The following DYSF variants were observed in gnomAD, a reference collection of about 807,000 sequenced individuals.
DYSF encodes dystrophy-associated fer-1-like 1.
A neutral mutation model predicts 274.9 loss-of-function variants in DYSF; 212 were observed. That is an observed-to-expected ratio of 0.77 (90% confidence interval 0.69 to 0.86). The LOEUF is 0.86. Among genes scored for constraint, DYSF ranks in the 40% least tolerant of loss-of-function variants. DYSF has a pLI of 0.00. For missense variants in DYSF, 2,666 were observed against 2,783.2 expected (o/e 0.96, Z 0.95); for synonymous variants, 1,091 against 1,078.7 (o/e 1.01, Z -0.22).
chr2:71,485,899 C>T (rs540653451), intron 3 of DYSF, among the ~76,000 whole-genome samples: 3 of 152,222 alleles, frequency 2.0e-5, no homozygotes, highest in African/African-American at 4.8e-5. Context: ...CTGCAACCTC[C>T]GCCTCCTGGG....
chr2:71,667,044 C>T (rs2095026372), intron 47 of DYSF, among the ~76,000 whole-genome samples: 1 of 152,152 alleles, frequency 6.6e-6, no homozygotes, highest in African/African-American at 2.4e-5. Flanking sequence ...GAGTTGGGAG[C>T]AGTCAGGGAG....
chr2:71,467,065 C>T (rs961077741), intron 1 of DYSF, 132 bp downstream of exon 1: 3 of 1,313,656 alleles, frequency 2.3e-6, no homozygotes, highest in Non-Finnish European at 3.1e-6. Context: ...TCAGCAGGGA[C>T]GGAAATCCCA....
intron 32 of DYSF, among the ~76,000 whole-genome samples, chr2:71,591,645 C>T (rs115616020): frequency 0.02 from 3,052 of 152,346 alleles, 45 homozygotes; most frequent in African/African-American, 0.035. Flanking sequence ...TGGAAGGGAA[C>T]CCAAGGCTAT....
chr2:71,594,255 T>C (rs1417472749), intron 32 of DYSF, among the ~76,000 whole-genome samples: 4 of 152,340 alleles, frequency 2.6e-5, no homozygotes. Flanking sequence ...AACCCCTTTT[T>C]AAGCACAGCT....
Position 71,561,746 on chromosome 2 carries a change from T to G in DYSF, c.2217-6T>G, listed in dbSNP as rs1403896712. 3.7e-6 allele frequency: 6 copies of G among 1,613,980 alleles called. No individual in the cohort carries two copies. The highest frequency in any genetic ancestry group is 5.1e-6 in the Non-Finnish European group (6 of 1,180,006). The stretch of plus-strand genomic sequence containing the variant: ...CAGGCGCATTCCATCTGTCCGTCCC[T>G]CACAGCCAGCCTCTGGGTGACATCC... On this transcript the variant is annotated splice_polypyrimidine_tract_variant and splice_region_variant and intron_variant, in intron 22 of 55. Coordinates refer to ENST00000410020, the MANE Select transcript of DYSF (RefSeq NM_001130987.2).
At chr2:71,486,643 G>C (rs985526603) in intron 3 of DYSF, among the ~76,000 whole-genome samples, 9 of 152,182 alleles carry the variant, frequency 5.9e-5, no homozygotes, top group Admixed American at 3.9e-4. Context: ...TCTGGGAACT[G>C]TCTCTGGGCT....
At chr2:71,645,024 T>C (rs227779) in intron 42 of DYSF, among the ~76,000 whole-genome samples, 116,541 of 152,064 alleles carry the variant, frequency 0.77, 45,861 homozygotes, top group Non-Finnish European at 0.87. Flanking sequence ...GGGCAGGTTG[T>C]GGGGCTCCAA....
intron 5 of DYSF, among the ~76,000 whole-genome samples, 171 bp downstream of exon 5, chr2:71,512,092 G>A (rs1421239471): frequency 1.3e-5 from 2 of 152,234 alleles, no homozygotes; most frequent in Admixed American, 1.3e-4. Flanking sequence ...AGTCCTGAGG[G>A]CTGCCTTCTG....
chr2:71,543,948 C>T (rs545309088), intron 17 of DYSF, among the ~76,000 whole-genome samples: 3 of 142,792 alleles, frequency 2.1e-5, no homozygotes, highest in East Asian at 4.0e-4. Context: ...GAGAGGGAGA[C>T]GGAGAGGGAG....
At chr2:71,665,332 G>A (rs2094977109) in intron 47 of DYSF, 28 bp downstream of exon 47, 1 of 1,613,880 alleles carries the variant, frequency 6.2e-7, no homozygotes, top group South Asian at 1.1e-5. Flanking sequence ...CCCAAACCAT[G>A]GTGGGCTCTC....
intron 1 of DYSF, among the ~76,000 whole-genome samples, chr2:71,474,477 G>A (rs1453066166): frequency 2.0e-5 from 3 of 152,168 alleles, no homozygotes; most frequent in Non-Finnish European, 4.4e-5. Flanking sequence ...CATCTCTCAA[G>A]GCCTAAATTA....
chr2:71,609,129 GT>G (rs1459034274), intron 36 of DYSF, among the ~76,000 whole-genome samples: 2 of 152,254 alleles, frequency 1.3e-5, no homozygotes, highest in East Asian at 3.9e-4. Context: ...CAAACTGGGG[GT>G]CCCCATAGCA....
chr2:71,600,861 C>CCTCCTGGAT lies in DYSF; in HGVS notation c.3897+19_3897+20insCTCCTGGAT. The CCTCCTGGAT allele has an allele frequency of 6.2e-7, 1 of 1,606,852 alleles. No homozygotes were observed. Among genetic ancestry groups the CCTCCTGGAT allele is most frequent in the African/African-American group, 1.3e-5 (1 of 75,048 alleles). On this transcript the variant is annotated intron_variant, in intron 34 of 55. Coordinates refer to ENST00000410020, the MANE Select transcript of DYSF (RefSeq NM_001130987.2). ...AGAGAAGGTGAGGCTGGTCTATATC[C>CCTCCTGGAT]AGATCCAGGAGGCCCAGGCAGGAGT...
At chr2:71,610,936 C>T in intron 36 of DYSF, 2 of 430,260 alleles carry the variant, frequency 4.6e-6, no homozygotes, top group Non-Finnish European at 8.7e-6. Context: ...CAGGGAGGGG[C>T]AGACCCGGAG....
chr2:71,658,799 T>C, intron 43 of DYSF, 79 bp from the exon 44 acceptor site: 1 of 1,572,450 alleles, frequency 6.4e-7, no homozygotes, highest in African/African-American at 1.4e-5. Flanking sequence ...ACAATTCAAG[T>C]TGAGATTTGG....
chr2:71,513,326 C>T lies in DYSF; in HGVS notation c.547C>T (p.Pro183Ser). ...ATACTCTGGAAAGAAGTGGCCGGCCCCCACGGGTGAGACACGGGCCAGGAC... is the reference window on the plus strand; with the variant it reads ...ATACTCTGGAAAGAAGTGGCCGGCCTCCACGGGTGAGACACGGGCCAGGAC... ...TRYSGKKWPA[P>S]TDTGGEEDTE... The change falls in exon 6 of 56, where the codon CCC (proline) becomes TCC (serine). Residue 183 changes from proline to serine, a missense_variant. By Grantham distance (74) the Pro-to-Ser change is moderately conservative. Coordinates refer to ENST00000410020, the MANE Select transcript of DYSF (RefSeq NM_001130987.2). 4 of 1,551,610 alleles carry T rather than the reference C, an allele frequency of 2.6e-6. No individual in the cohort carries two copies. Among genetic ancestry groups the T allele is most frequent in the Middle Eastern group, 1.7e-4 (1 of 5,992 alleles).
At chr2:71,567,383 C>T (rs1284303660) in intron 24 of DYSF, among the ~76,000 whole-genome samples, 2 of 152,184 alleles carry the variant, frequency 1.3e-5, no homozygotes, top group Non-Finnish European at 2.9e-5. Flanking sequence ...ATCATTGTAT[C>T]TCCTTTAGAG....
At chr2:71,473,463 C>T (rs1480815145) in intron 1 of DYSF, among the ~76,000 whole-genome samples, 1 of 152,194 alleles carries the variant, frequency 6.6e-6, no homozygotes, top group Non-Finnish European at 1.5e-5. Context: ...GGATCCAAAG[C>T]CCCCTGCAGC....
In DYSF at chr2:71,568,138, C is replaced by T. The variant is rs200126593; in HGVS notation, c.2698-34C>T. 3.1e-4 allele frequency: 508 copies of T among 1,614,212 alleles called. 4 individuals are homozygous for T. The Middle Eastern group carries it at 9.9e-3, about 31-fold the overall frequency. ...CCCACTACCTGGAGCTGCCTTGGCC[C>T]CCTGCTCACGCCTCATTCTTCCTGG... is the stretch of plus-strand genomic sequence containing the variant. On this transcript the variant is annotated intron_variant, in intron 25 of 55. Transcript: ENST00000410020.
Sources: gnomAD v4.1 joint callset for allele counts (sites outside exome capture counted in the v4.1 genomes callset) on GRCh38, gnomAD v4.1.1 for gene constraint, MANE v1.5 for transcripts, NCBI Gene and HGNC (gene_info 2026-07-23, HGNC 2026-07-21) for gene names.